The following LRRIQ1 variants were observed in gnomAD, a reference collection of about 807,000 sequenced individuals.
LRRIQ1 encodes leucine rich repeats and IQ motif containing 1, also known as leucine-rich repeat- and IQ domain-containing protein 1.
In LRRIQ1, 210 loss-of-function variants were observed where a neutral mutation model predicts 211.9. That is an observed-to-expected ratio of 0.99 (90% CI 0.89 to 1.11). The LOEUF (loss-of-function observed/expected upper bound fraction) is 1.11, where lower values mean the gene tolerates loss of function less well. Among genes scored for constraint, LRRIQ1 ranks in the 50% most tolerant of loss-of-function variants. The pLI is 0.00. For synonymous variants in LRRIQ1, 699 were observed against 650.1 expected (o/e 1.08, Z -1.14); for missense variants, 2,136 against 1,939.5 (o/e 1.10, Z -1.90).
chr12:85,070,031 T>C (rs1327071212), intron 10 of LRRIQ1, among the ~76,000 whole-genome samples: 1 of 152,076 alleles, frequency 6.6e-6, no homozygotes, highest in Non-Finnish European at 1.5e-5. Context: ...ATGTCCTGAA[T>C]GGTATTGCCT....
chr12:85,257,929 G>A (rs1030580600), intron 1 of LRRIQ1, among the ~76,000 whole-genome samples: 1 of 151,244 alleles, frequency 6.6e-6, no homozygotes, highest in African/African-American at 2.4e-5. Flanking sequence ...TCAACACACT[G>A]GTATGTTAAA....
intron 24 of LRRIQ1, among the ~76,000 whole-genome samples, chr12:85,204,021 G>A (rs984066732): frequency 6.6e-6 from 1 of 152,124 alleles, no homozygotes; most frequent in Non-Finnish European, 1.5e-5. Flanking sequence ...GGAAAAAATG[G>A]TTTTGTGGGC....
At chr12:85,147,544 A>G (rs1889970933) in intron 19 of LRRIQ1, among the ~76,000 whole-genome samples, 1 of 151,724 alleles carries the variant, frequency 6.6e-6, no homozygotes, top group South Asian at 2.1e-4. Flanking sequence ...CTGTTAAGCC[A>G]TTGGCAACAG....
At chr12:85,120,731 C>T (rs1887913298) in intron 15 of LRRIQ1, among the ~76,000 whole-genome samples, 1 of 151,360 alleles carries the variant, frequency 6.6e-6, no homozygotes, top group Non-Finnish European at 1.5e-5. Flanking sequence ...TGTATAGTTT[C>T]CCCATAGGAA....
At chr12:85,113,714 T>C (rs1260336980) in intron 15 of LRRIQ1, among the ~76,000 whole-genome samples, 1 of 152,154 alleles carries the variant, frequency 6.6e-6, no homozygotes, top group East Asian at 1.9e-4. Flanking sequence ...ACTGGTGTTA[T>C]TGCTAATTCA....
chr12:85,153,008 CT>C lies in LRRIQ1; in HGVS notation c.4420-9del, dbSNP rs922302144. 1.3e-5 allele frequency: 20 copies of C among 1,523,430 alleles called. No homozygotes were observed. The highest frequency in any genetic ancestry group is 9.4e-5 in the East Asian group (4 of 42,666). The allele number at this position is 1,523,430 out of a possible 1,614,324, so 94.4% of individuals were successfully genotyped here. A position where few individuals can be genotyped will look rare whatever the true frequency, so the allele number is the denominator to read the frequency against. Reference sequence around the variant, plus strand: ...TTTTATTTTACTTCACACTTATTTACTTTTTTTGTGAAAAGATTCCTGGAAA... The same window carrying C: ...TTTTATTTTACTTCACACTTATTTACTTTTTTGTGAAAAGATTCCTGGAAA... On this transcript the variant is annotated splice_polypyrimidine_tract_variant and intron_variant, in intron 20 of 26. Coordinates refer to ENST00000393217, the MANE Select transcript of LRRIQ1 (RefSeq NM_001079910.2).
At chr12:85,166,881 T>G (rs902374699) in intron 24 of LRRIQ1, among the ~76,000 whole-genome samples, 1 of 152,348 alleles carries the variant, frequency 6.6e-6, no homozygotes, top group Non-Finnish European at 1.5e-5. Flanking sequence ...TTTGAATTAC[T>G]GTTTTCCTAC....
chr12:85,271,135 G>T, the LRRIQ1 span, among the ~76,000 whole-genome samples: 1 of 152,178 alleles, frequency 6.6e-6, no homozygotes, highest in South Asian at 2.1e-4. Context: ...AGAAATAGTA[G>T]TACTATAACA....
Position 85,244,846 on chromosome 12 carries a change from A to G in LRRIQ1, c.5074A>G (p.Ser1692Gly). The change falls in exon 27 of 27, where the codon AGT becomes GGT. Residue 1692 changes from serine (S) to glycine (G), a missense_variant. By Grantham distance (56) the Ser-to-Gly change is moderately conservative (BLOSUM62 0). Transcript: ENST00000393217. Reference protein sequence around the residue: ...DLDLFSMTNGSALSVNREKKN... With the variant: ...DLDLFSMTNGGALSVNREKKN... ...AGACCTTTTTTCCATGACCAATGGAAGTGCTTTGTCTGTGAACAGAGAAAA... is the reference window on the plus strand; with the variant it reads ...AGACCTTTTTTCCATGACCAATGGAGGTGCTTTGTCTGTGAACAGAGAAAA... 6.2e-7 allele frequency: 1 copy of G among 1,609,578 alleles called. No homozygotes were observed. The highest frequency in any genetic ancestry group is 8.5e-7 in the Non-Finnish European group (1 of 1,177,404).
intron 10 of LRRIQ1, among the ~76,000 whole-genome samples, chr12:85,070,769 T>G (rs939484463): frequency 6.6e-6 from 1 of 151,968 alleles, no homozygotes; most frequent in Non-Finnish European, 1.5e-5. Context: ...TGTATTCATT[T>G]TTTCTTCCAC....
downstream of LRRIQ1, chr12:85,245,230 T>A: frequency 3.8e-6 from 1 of 260,846 alleles, no homozygotes; most frequent in Non-Finnish European, 7.0e-6. Flanking sequence ...AATTGTAAGA[T>A]GTTAGATTTA....
Position 85,038,248 on chromosome 12 carries a change from G to C in LRRIQ1, c.72G>C (p.Leu24Phe). 3.2e-6 allele frequency: 5 copies of C among 1,587,050 alleles called. No individual in the cohort carries two copies. Among genetic ancestry groups the C allele is most frequent in the Non-Finnish European group, 4.3e-6 (5 of 1,165,182 alleles). Residue 24 changes from leucine to phenylalanine, a missense_variant, in exon 2 of 27, where the codon TTG (leucine) becomes TTC (phenylalanine). Leu to Phe is a conservative substitution (Grantham distance 22). Coordinates refer to ENST00000393217, the MANE Select transcript of LRRIQ1 (RefSeq NM_001079910.2). ...TGGATAAACTCAGCATTTCCTCCTT[G>C]GAAAAAGAAGACATTGAGAGTGATG... Reference protein sequence around the residue: ...AELDKLSISSLEKEDIESDAK... With the variant: ...AELDKLSISSFEKEDIESDAK...
intron 15 of LRRIQ1, among the ~76,000 whole-genome samples, chr12:85,115,854 T>G (rs191468379): frequency 4.6e-5 from 7 of 152,268 alleles, no homozygotes; most frequent in Non-Finnish European, 8.8e-5. Flanking sequence ...TATAGTAAAA[T>G]ATATTTATCT....
intron 7 of LRRIQ1, among the ~76,000 whole-genome samples, chr12:85,053,061 G>A (rs76370424): frequency 6.6e-6 from 1 of 151,974 alleles, no homozygotes; most frequent in Admixed American, 6.6e-5. Context: ...AATTTAGTGG[G>A]TGAATTTGAT....
chr12:85,094,028 A>G (rs1289236091), intron 11 of LRRIQ1, among the ~76,000 whole-genome samples: 1 of 152,222 alleles, frequency 6.6e-6, no homozygotes, highest in Non-Finnish European at 1.5e-5. Context: ...TGGTGGCCTT[A>G]AAAGTACATT....
rs193120990 is a variant in LRRIQ1, at chr12:85,116,881, G to A, written c.3378-4816G>A. ...ATGTTACCACAAAGGACATGATCTC[G>A]TTCTTTTTTTTTTTTTATGGCTGCA... On this transcript the variant is annotated intron_variant, in intron 15 of 26. Transcript: ENST00000393217. Among the ~76,000 whole-genome samples, 6 of 149,596 alleles carry A rather than the reference G, an allele frequency of 4.0e-5. No homozygotes were observed. The East Asian group carries it at 7.9e-4, about 20-fold the overall frequency.
intron 1 of LRRIQ1, among the ~76,000 whole-genome samples, chr12:85,254,223 C>T (rs1239376017): frequency 6.6e-6 from 1 of 152,104 alleles, no homozygotes; most frequent in Admixed American, 6.6e-5. Flanking sequence ...TCCTGTACAG[C>T]CTGCAGAACC....
chr12:85,058,315 C>G lies in LRRIQ1; in HGVS notation c.2391+1131C>G, dbSNP rs539328820. ...AGGTCTGCAGAGCTACATATAGAAT[C>G]TCTCATCTGCTCTTCTCCAATTTTT... On this transcript the variant is annotated intron_variant, in intron 8 of 26. Coordinates refer to ENST00000393217, the MANE Select transcript of LRRIQ1 (RefSeq NM_001079910.2). 3.2e-4 allele frequency among the ~76,000 whole-genome samples: 48 copies of G among 152,120 alleles called. No individual in the cohort carries two copies. The East Asian group carries it at 4.5e-3, about 14-fold the overall frequency.
intron 20 of LRRIQ1, among the ~76,000 whole-genome samples, chr12:85,152,599 A>G (rs924679276): frequency 1.3e-5 from 2 of 151,692 alleles, no homozygotes; most frequent in South Asian, 4.1e-4. Context: ...CACAGTAGCA[A>G]AAGAAAAAAA....
Sources: gnomAD v4.1 joint callset for allele counts (sites outside exome capture counted in the v4.1 genomes callset) on GRCh38, gnomAD v4.1.1 for gene constraint, MANE v1.5 for transcripts, NCBI Gene and HGNC (gene_info 2026-07-23, HGNC 2026-07-21) for gene names.